The following ZNF516 variants were observed in gnomAD, a reference collection of about 807,000 sequenced individuals.
The protein encoded by ZNF516 is zinc finger protein 516.
A neutral mutation model predicts 79.7 loss-of-function variants in ZNF516; 19 were observed. That is an observed-to-expected ratio of 0.24 (90% CI 0.17 to 0.35). The LOEUF is 0.35. ZNF516 is among the 10% of genes least tolerant of loss of function. The pLI, the probability that ZNF516 is intolerant of heterozygous loss-of-function variation, is 1.00. For synonymous variants in ZNF516, 877 were observed against 739.5 expected, an observed-to-expected ratio of 1.19 and a Z score of -3.02; for missense variants, 1,678 against 1,679.5, an observed-to-expected ratio of 1.00 and a Z score of 0.02.
At position 76,441,838 on chromosome 18, in the gene ZNF516, C is replaced by A; in HGVS notation, c.1217G>T (p.Arg406Leu). The change falls in exon 3 of 7, where the codon CGG becomes CTG. Residue 406 changes from arginine to leucine, a missense_variant. By Grantham distance (102) the Arg-to-Leu change is moderately radical. Around this residue, in one of 5 missense-constraint regions of ZNF516, gnomAD observed 1,294 missense variants for 1,248.3 expected, o/e 1.04. Coordinates refer to ENST00000443185, the MANE Select transcript of ZNF516 (RefSeq NM_014643.4). ...DSCPGTQAGR[R>L]VAELDPVNSY... ...GTTGACCGGGTCCAGCTCAGCCACC[C>A]GCCGTCCGGCCTGCGTGCCAGGGCA... 1 of 1,568,926 alleles carries A rather than the reference C, an allele frequency of 6.4e-7. No individual in the cohort carries two copies. Among genetic ancestry groups the A allele is most frequent in the African/African-American group, 1.3e-5 (1 of 74,268 alleles).
intron 4 of ZNF516, among the ~76,000 whole-genome samples, chr18:76,374,112 G>A (rs1479420748): frequency 6.6e-6 from 1 of 152,200 alleles, no homozygotes; most frequent in Non-Finnish European, 1.5e-5. Context: ...AGATCAAACT[G>A]CAAGAAAGCA....
At chr18:76,448,233 CTTT>C (rs982600141) in intron 2 of ZNF516, among the ~76,000 whole-genome samples, 11 of 152,152 alleles carry the variant, frequency 7.2e-5, no homozygotes, top group African/African-American at 2.7e-4. Flanking sequence ...GGATATTTTT[CTTT>C]TTCTTTTCCT....
chr18:76,442,732 G>C lies in ZNF516; in HGVS notation c.323C>G (p.Ser108Cys), dbSNP rs765786448. 1 of 1,581,764 alleles carries C rather than the reference G, an allele frequency of 6.3e-7. No homozygotes were observed. The highest frequency in any genetic ancestry group is 1.8e-5 in the Admixed American group (1 of 55,392). Reference protein sequence around the residue: ...GEAPLGEMRASEGLDACASPT... With the variant: ...GEAPLGEMRACEGLDACASPT... ...GCTGGCGCAGGCGTCCAGGCCCTCG[G>C]AGGCGCGCATCTCACCCAGCGGCGC... Residue 108 changes from serine (S) to cysteine (C), a missense_variant, in exon 3 of 7, where the codon TCC becomes TGC. Physicochemically the swap from Ser to Cys is moderately radical, Grantham distance 112. This residue lies in a region of ZNF516 where 279 missense variants were observed against 254.1 expected (regional missense o/e 1.10). Coordinates refer to ENST00000443185, the MANE Select transcript of ZNF516 (RefSeq NM_014643.4).
In ZNF516 at chr18:76,361,184, A is replaced by G. The variant is rs558200205; in HGVS notation, c.*1314T>C. The G allele has an allele frequency of 4.6e-5, 7 of 152,354 alleles. No individual in the cohort carries two copies. The allele number at this position is 152,354 out of a possible 1,614,324, so 9.4% of individuals were successfully genotyped here. ...AGCAGTAACTTTTGATAATGCATAA[A>G]ATCATATGTGCAAAAATCTGAAACT... is the stretch of plus-strand genomic sequence containing the variant. On this transcript the variant is annotated 3_prime_UTR_variant, in exon 7 of 7. Transcript: ENST00000443185.
chr18:76,401,725 C>G (rs1241066839), intron 3 of ZNF516, among the ~76,000 whole-genome samples: 26 of 147,960 alleles, frequency 1.8e-4, no homozygotes, highest in South Asian at 2.2e-4. Flanking sequence ...GCCAACCACA[C>G]CCCCGCGCCG....
At chr18:76,482,088 C>T (rs912099895) in intron 1 of ZNF516, among the ~76,000 whole-genome samples, 1 of 152,186 alleles carries the variant, frequency 6.6e-6, no homozygotes, top group Non-Finnish European at 1.5e-5. Context: ...TAGAAGTTGA[C>T]TTTAGCGCTA....
intron 3 of ZNF516, among the ~76,000 whole-genome samples, chr18:76,392,671 AAAGGTGGATGGG>A: frequency 1.4e-5 from 1 of 73,784 alleles, no homozygotes; most frequent in African/African-American, 6.7e-5. Context: ...CAGGTGGGGG[AAAGGTGGATGGG>A]AAGGCAGGTG....
chr18:76,398,390 G>C (rs1214844986), intron 3 of ZNF516, among the ~76,000 whole-genome samples: 3 of 152,172 alleles, frequency 2.0e-5, no homozygotes, highest in Non-Finnish European at 4.4e-5. Context: ...ATCCAAGTTG[G>C]CAAAAAATAA....
chr18:76,418,456 TGCTGTAACAC>T (rs373090615), intron 3 of ZNF516, among the ~76,000 whole-genome samples: 2,569 of 152,106 alleles, frequency 0.017, 68 homozygotes, highest in African/African-American at 0.058. Context: ...TGCTGTAACA[TGCTGTAACAC>T]GCTACAACAT....
chr18:76,422,252 C>T (rs1488566641), intron 3 of ZNF516, among the ~76,000 whole-genome samples: 1 of 152,210 alleles, frequency 6.6e-6, no homozygotes, highest in African/African-American at 2.4e-5. Context: ...GAGACAGCTC[C>T]TGCCACAGCC....
intron 2 of ZNF516, among the ~76,000 whole-genome samples, chr18:76,456,064 T>G (rs574473503): frequency 6.6e-6 from 1 of 152,302 alleles, no homozygotes; most frequent in South Asian, 2.1e-4. Flanking sequence ...CCATCAATAA[T>G]GAGATGCCAC....
chr18:76,433,737 G>A (rs533035028), intron 3 of ZNF516, among the ~76,000 whole-genome samples: 10 of 152,316 alleles, frequency 6.6e-5, no homozygotes, highest in African/African-American at 2.4e-4. Flanking sequence ...TTAAGCAAAC[G>A]CCTAGTGAAG....
At chr18:76,426,547 TTTA>T (rs1442115851) in intron 3 of ZNF516, among the ~76,000 whole-genome samples, 2 of 152,114 alleles carry the variant, frequency 1.3e-5, no homozygotes, top group African/African-American at 4.8e-5. Flanking sequence ...TTTTAAAGTA[TTTA>T]TTGTTTATCT....
At position 76,362,267 on chromosome 18, in the gene ZNF516, T is replaced by A; in HGVS notation, c.*231A>T. The A allele has an allele frequency of 1.9e-6, 1 of 514,878 alleles. No individual in the cohort carries two copies. The highest frequency in any genetic ancestry group is 3.0e-5 in the South Asian group (1 of 33,166). 31.9% of individuals were successfully genotyped at this position (514,878 alleles called of 1,614,324 possible). A position where few individuals can be genotyped will look rare whatever the true frequency, so the allele number is the denominator to read the frequency against. ...CGTAAATGCGTATATAGTATCTACATGTATTTCTAGAATATAGCATCTTCA... is the reference window on the plus strand; with the variant it reads ...CGTAAATGCGTATATAGTATCTACAAGTATTTCTAGAATATAGCATCTTCA... On this transcript the variant is annotated 3_prime_UTR_variant, in exon 7 of 7. Transcript: ENST00000443185.
At chr18:76,484,651 C>A (rs1911196494) in intron 1 of ZNF516, among the ~76,000 whole-genome samples, 1 of 152,216 alleles carries the variant, frequency 6.6e-6, no homozygotes, top group Admixed American at 6.5e-5. Flanking sequence ...AAAACACACA[C>A]TCTCGACGGC....
Position 76,442,459 on chromosome 18 carries a change from G to C in ZNF516, c.596C>G (p.Pro199Arg). ...LELHVHQAHK[P>R]FKCRLCSYAT... ...GTAGCTGCACAGCCTGCACTTGAAC[G>C]GCTTGTGCGCCTGGTGCACGTGCAG... Residue 199 changes from proline (P) to arginine (R), a missense_variant, in exon 3 of 7, where the codon CCG becomes CGG. Transcript: ENST00000443185. 1 of 1,605,544 alleles carries C rather than the reference G, an allele frequency of 6.2e-7. No homozygotes were observed.
intron 1 of ZNF516, among the ~76,000 whole-genome samples, chr18:76,478,993 T>C (rs1244647996): frequency 1.3e-5 from 2 of 152,034 alleles, no homozygotes; most frequent in Non-Finnish European, 2.9e-5. Context: ...GAGGCGAAGG[T>C]TGCAGTGAGC....
At chr18:76,422,321 T>TGG (rs1420773238) in intron 3 of ZNF516, among the ~76,000 whole-genome samples, 5 of 152,186 alleles carry the variant, frequency 3.3e-5, no homozygotes, top group Non-Finnish European at 7.3e-5. Flanking sequence ...ACTGCGGCAG[T>TGG]AAGAAGCAGA....
intron 1 of ZNF516, chr18:76,490,719 G>C (rs1915126323): frequency 4.2e-6 from 4 of 961,556 alleles, no homozygotes; most frequent in Non-Finnish European, 4.9e-6. Context: ...AGGCTGACGG[G>C]GGCAATGCCT....
Sources: allele counts gnomAD v4.1 joint callset (sites outside exome capture counted in the v4.1 genomes callset), GRCh38; gene constraint gnomAD v4.1.1; regional missense constraint gnomAD v4.1.1; transcripts MANE v1.5; gene names NCBI Gene and HGNC (gene_info 2026-07-23, HGNC 2026-07-21).